Variants in CDH18 observed in about 807,000 individuals in gnomAD.
CDH18 encodes the protein cadherin 18.
A neutral mutation model predicts 67.9 loss-of-function variants in CDH18; 31 were observed. The ratio of observed to expected loss-of-function variants is 0.46; its 90% CI spans 0.34 to 0.62. The LOEUF (loss-of-function observed/expected upper bound fraction) is 0.62. Among genes scored for constraint, CDH18 ranks in the 20% least tolerant of loss-of-function variants. The pLI, the probability that CDH18 is intolerant of heterozygous loss-of-function variation, is 0.01. For synonymous variants in CDH18, 362 were observed against 347.2 expected (o/e 1.04, Z -0.48); for missense variants, 890 against 975.5 (o/e 0.91, Z 1.17).
intron 2 of CDH18, among the ~76,000 whole-genome samples, chr5:19,994,285 A>G (rs1178191160): frequency 2.0e-5 from 3 of 147,382 alleles, no homozygotes; most frequent in South Asian, 2.1e-4. Context: ...ATATATACAC[A>G]TATATGTATA....
chr5:20,573,062 T>C (rs920441572), intron 1 of CDH18, among the ~76,000 whole-genome samples: 8 of 152,216 alleles, frequency 5.3e-5, no homozygotes, highest in Non-Finnish European at 1.2e-4. Context: ...AAACACTTTC[T>C]TTTTTTCTAA....
chr5:20,567,770 C>G (rs1758597399), intron 1 of CDH18, among the ~76,000 whole-genome samples: 1 of 152,094 alleles, frequency 6.6e-6, no homozygotes, highest in Non-Finnish European at 1.5e-5. Context: ...AGAGGACAGA[C>G]TGGAACATTT....
At chr5:19,857,829 T>C (rs1057293211) in intron 2 of CDH18, among the ~76,000 whole-genome samples, 2 of 152,196 alleles carry the variant, frequency 1.3e-5, no homozygotes, top group African/African-American at 2.4e-5. Flanking sequence ...ATAAAAATTC[T>C]ACATGAAAAA....
intron 1 of CDH18, among the ~76,000 whole-genome samples, chr5:20,388,891 G>A (rs1744566206): frequency 1.3e-5 from 2 of 152,114 alleles, no homozygotes; most frequent in African/African-American, 2.4e-5. Flanking sequence ...CTGAGTTCTA[G>A]TTTGATTGCA....
At chr5:20,461,460 C>G (rs1036670194) in intron 1 of CDH18, among the ~76,000 whole-genome samples, 2 of 152,126 alleles carry the variant, frequency 1.3e-5, no homozygotes, top group African/African-American at 4.8e-5. Context: ...TCTTCTGAGG[C>G]TATGCCCTGG....
chr5:19,965,464 T>C (rs1266783581), intron 2 of CDH18, among the ~76,000 whole-genome samples: 2 of 152,174 alleles, frequency 1.3e-5, no homozygotes, highest in Non-Finnish European at 1.5e-5. Context: ...GACTTTACTA[T>C]ATGTTTAAAA....
rs33950954 is a variant in CDH18, at chr5:20,566,526, ATTTTTT to A, written c.-580+8930_-580+8935del. Among the ~76,000 whole-genome samples, 775 of 97,392 alleles carry A rather than the reference ATTTTTT, an allele frequency of 8.0e-3. 6 individuals are homozygous for A. The highest frequency in any genetic ancestry group is 0.03 in the African/African-American group (745 of 24,670). The allele number at this position is 97,392 out of a possible 152,430, so 63.9% of individuals were successfully genotyped here. A position where few individuals can be genotyped will look rare whatever the true frequency, so the allele number is the denominator to read the frequency against. On this transcript the variant is annotated intron_variant, in intron 1 of 14. Coordinates refer to the CDH18 transcript ENST00000507958. Reference sequence around the variant, plus strand: ...AGGTTCGCGCCACCATGCCCAGCTAATTTTTTTTTTTTTTTTTTTTTTGTATTTTTA... The same window carrying A: ...AGGTTCGCGCCACCATGCCCAGCTAATTTTTTTTTTTTTTTTGTATTTTTA...
intron 1 of CDH18, among the ~76,000 whole-genome samples, chr5:20,346,992 G>A (rs1251466759): frequency 1.3e-5 from 2 of 152,092 alleles, no homozygotes; most frequent in African/African-American, 2.4e-5. Context: ...ACTTCTTGTT[G>A]TTTTTATGTT....
intron 2 of CDH18, among the ~76,000 whole-genome samples, chr5:20,078,606 T>A (rs1744164627): frequency 6.6e-6 from 1 of 151,894 alleles, no homozygotes; most frequent in African/African-American, 2.4e-5. Flanking sequence ...ATAATTTTAT[T>A]TATTTATTTA....
intron 2 of CDH18, among the ~76,000 whole-genome samples, chr5:20,097,380 G>A (rs1477963909): frequency 2.0e-5 from 3 of 152,206 alleles, no homozygotes; most frequent in East Asian, 3.9e-4. Flanking sequence ...CGTCTTAAGT[G>A]GTGACAGGCA....
chr5:20,436,058 C>A (rs1749143694), intron 1 of CDH18, among the ~76,000 whole-genome samples: 1 of 151,982 alleles, frequency 6.6e-6, no homozygotes, highest in Non-Finnish European at 1.5e-5. Flanking sequence ...AATCTCATAA[C>A]AATATTGGTT....
At chr5:19,958,569 A>T (rs141852393) in intron 2 of CDH18, among the ~76,000 whole-genome samples, 10 of 152,064 alleles carry the variant, frequency 6.6e-5, no homozygotes, top group African/African-American at 1.9e-4. Flanking sequence ...ATAGGCACTA[A>T]GCAGTATTGG....
chr5:19,963,964 A>G (rs1013653020), intron 2 of CDH18, among the ~76,000 whole-genome samples: 2 of 152,002 alleles, frequency 1.3e-5, no homozygotes, highest in African/African-American at 4.8e-5. Flanking sequence ...TCAAGACATT[A>G]GCATAGGGGC....
chr5:20,214,757 A>G (rs902925968), intron 2 of CDH18, among the ~76,000 whole-genome samples: 2 of 152,106 alleles, frequency 1.3e-5, no homozygotes, highest in Admixed American at 6.6e-5. Flanking sequence ...AACTTAGGCA[A>G]TATGATTCTG....
At chr5:20,009,127 A>C (rs1737179355) in intron 2 of CDH18, among the ~76,000 whole-genome samples, 1 of 152,148 alleles carries the variant, frequency 6.6e-6, no homozygotes, top group Non-Finnish European at 1.5e-5. Flanking sequence ...CTGGGTATAC[A>C]GGACGAAGGA....
At chr5:19,510,501 G>A (rs903856631) in intron 10 of CDH18, among the ~76,000 whole-genome samples, 9 of 152,130 alleles carry the variant, frequency 5.9e-5, no homozygotes, top group African/African-American at 1.7e-4. Context: ...ACTATTCAAT[G>A]TTAAAGGCAA....
At chr5:19,639,362 A>C (rs1473945443) in intron 5 of CDH18, among the ~76,000 whole-genome samples, 1 of 152,150 alleles carries the variant, frequency 6.6e-6, no homozygotes, top group East Asian at 1.9e-4. Flanking sequence ...AAAGAGGAAG[A>C]GTAGAGGTTA....
At chr5:20,173,471 G>A (rs1451574347) in intron 2 of CDH18, among the ~76,000 whole-genome samples, 1 of 152,124 alleles carries the variant, frequency 6.6e-6, no homozygotes, top group Non-Finnish European at 1.5e-5. Flanking sequence ...CAGGTTTGAA[G>A]CTGGAGGGTC....
chr5:19,699,170 A>G (rs1762898911), intron 5 of CDH18, among the ~76,000 whole-genome samples: 1 of 152,154 alleles, frequency 6.6e-6, no homozygotes, highest in Admixed American at 6.5e-5. Flanking sequence ...ACATACAAGC[A>G]CAGGCATACT....
Sources: allele counts gnomAD v4.1 joint callset (sites outside exome capture counted in the v4.1 genomes callset), GRCh38; gene constraint gnomAD v4.1.1; transcripts MANE v1.5; gene names NCBI Gene and HGNC (gene_info 2026-07-23, HGNC 2026-07-21).